Variants in ZNF727 observed in about 807,000 individuals in gnomAD.
ZNF727 encodes putative zinc finger protein 727.
In ZNF727, 11 loss-of-function variants were observed where a neutral mutation model predicts 11.5. The observed-to-expected ratio is 0.95, with a 90% CI of 0.60 to 1.58. The LOEUF (loss-of-function observed/expected upper bound fraction) is 1.58. Among genes scored for constraint, ZNF727 ranks in the 40% most tolerant of loss-of-function variants. The pLI is 0.00. For synonymous variants in ZNF727, 171 were observed against 196.1 expected, an observed-to-expected ratio of 0.87 and a Z score of 1.07; for missense variants, 533 against 581.7, an observed-to-expected ratio of 0.92 and a Z score of 0.86.
chr7:64,062,705 A>ATATATATATATATATATATATAT (rs1789792252), intron 1 of ZNF727, among the ~76,000 whole-genome samples: 1 of 32,732 alleles, frequency 3.1e-5, no homozygotes, highest in Non-Finnish European at 9.5e-5. Flanking sequence ...TATATATATG[A>ATATATATATATATATATATATAT]AGTTCTCATT....
intron 1 of ZNF727, among the ~76,000 whole-genome samples, chr7:64,057,742 T>A (rs1280294853): frequency 6.6e-6 from 1 of 150,758 alleles, no homozygotes; most frequent in Non-Finnish European, 1.5e-5. Flanking sequence ...AAAAAAAAAA[T>A]ACCTAAAAGC....
intron 1 of ZNF727, among the ~76,000 whole-genome samples, chr7:64,048,148 A>G (rs1789537077): frequency 6.6e-6 from 1 of 152,218 alleles, no homozygotes; most frequent in African/African-American, 2.4e-5. Context: ...TCAGTTTTTC[A>G]TTAATTGTAA....
Position 64,078,366 on chromosome 7 carries a change from G to C in ZNF727, c.1317G>C (p.Leu439=), listed in dbSNP as rs750178277. 77 of 1,583,236 alleles carry C rather than the reference G, an allele frequency of 4.9e-5. No individual in the cohort carries two copies. Among genetic ancestry groups the C allele is most frequent in the Non-Finnish European group, 6.4e-5 (75 of 1,164,832 alleles). ...AAACCTTTAAGTGGTTCCCAGACCT[G>C]ACTAATCATAAGAGAATTCACACTG... ...CGKTFKWFPD[L]TNHKRIHTGE... The change falls in exon 4 of 4, where the codon CTG becomes CTC. Residue 439 remains leucine, a synonymous_variant. Transcript: ENST00000456806.
rs746017225 is a variant in ZNF727 at position 64,078,518 on chromosome 7, G to A, written c.1469G>A (p.Gly490Asp). 17 of 1,560,672 alleles carry A rather than the reference G, an allele frequency of 1.1e-5. No individual in the cohort carries two copies. Among genetic ancestry groups the A allele is most frequent in the Admixed American group, 3.9e-5 (2 of 51,694 alleles). ...TSAKNVAKPL[G>D]GSQTLLNIR is the part of the protein sequence containing the mutation. ...GCAAAGAATGTGGCAAAGCCTTTAG[G>A]TGGTTCTCAGACCTTACTAAACATA... Residue 490 changes from glycine to aspartate, a missense_variant, in exon 4 of 4, where the codon GGT becomes GAT. Physicochemically the swap from Gly to Asp is moderately conservative, Grantham distance 94. Coordinates refer to ENST00000456806, the MANE Select transcript of ZNF727 (RefSeq NM_001159522.3).
chr7:64,062,685 A>AATATATATATATGTATATATATAT (rs1789790382), intron 1 of ZNF727, among the ~76,000 whole-genome samples: 1 of 89,980 alleles, frequency 1.1e-5, no homozygotes, highest in African/African-American at 3.6e-5. Context: ...CTTGTACTTG[A>AATATATATATATGTATATATATAT]ATATATATAT....
At chr7:64,063,364 T>A (rs964831733) in intron 1 of ZNF727, among the ~76,000 whole-genome samples, 1 of 152,232 alleles carries the variant, frequency 6.6e-6, no homozygotes, top group African/African-American at 2.4e-5. Context: ...AACACTGTGA[T>A]GCTTGCAGAC....
Position 64,077,683 on chromosome 7 carries a change from T to G in ZNF727, c.634T>G (p.Phe212Val), listed in dbSNP as rs769731782. 79 of 1,563,774 alleles carry G rather than the reference T, an allele frequency of 5.1e-5. No homozygotes were observed. Among genetic ancestry groups the G allele is most frequent in the Non-Finnish European group, 6.5e-5 (75 of 1,154,034 alleles). ...CEECGKACKK[F>V]SNLTEHNRVH... ...AGAATGTGGCAAAGCCTGTAAAAAG[T>G]TCTCAAACCTTACTGAACATAATAG... The change falls in exon 4 of 4, where the codon TTC becomes GTC. Residue 212 changes from phenylalanine (F) to valine (V), a missense_variant. This residue lies in a region of ZNF727 where 463 missense variants were observed against 494.5 expected (regional missense o/e 0.94). Transcript: ENST00000456806.
Position 64,077,856 on chromosome 7 carries a change from A to G in ZNF727, c.807A>G (p.Ser269=), listed in dbSNP as rs1056169476. 5 of 1,567,092 alleles carry G rather than the reference A, an allele frequency of 3.2e-6. No homozygotes were observed. The highest frequency in any genetic ancestry group is 1.4e-5 in the African/African-American group (1 of 73,362). Residue 269 remains serine, a synonymous_variant, in exon 4 of 4, where the codon TCA becomes TCG. Transcript: ENST00000456806. The part of the protein sequence containing the change: ...EECHKAFRCC[S]DLTKHKRIHT... ...GTCACAAAGCCTTTAGGTGTTGCTCAGACCTTACTAAACATAAGAGAATTC... is the reference window on the plus strand; with the variant it reads ...GTCACAAAGCCTTTAGGTGTTGCTCGGACCTTACTAAACATAAGAGAATTC...
chr7:64,082,606 T>G lies in ZNF727; in HGVS notation c.*4057T>G, dbSNP rs374852680. Among the ~76,000 whole-genome samples, 54 of 152,174 alleles carry G rather than the reference T, an allele frequency of 3.5e-4. No homozygotes were observed. Among genetic ancestry groups the G allele is most frequent in the African/African-American group, 1.3e-3 (52 of 41,436 alleles). ...AGAAAGCAGTGTAGGCTGGGCGCAG[T>G]GGCTCATGCCTGTAACCCTAGCACT... On this transcript the variant is annotated 3_prime_UTR_variant, in exon 4 of 4. Transcript: ENST00000456806.
In ZNF727 at chr7:64,082,229, T is replaced by C. The variant is rs1330270290; in HGVS notation, c.*3680T>C. Reference sequence around the variant, plus strand: ...AGGGAGTTGCGAAGTTGCTACTGGCTCAATAGCTCTGGCAATGATTGGCTA... The same window carrying C: ...AGGGAGTTGCGAAGTTGCTACTGGCCCAATAGCTCTGGCAATGATTGGCTA... On this transcript the variant is annotated 3_prime_UTR_variant, in exon 4 of 4. Coordinates refer to ENST00000456806, the MANE Select transcript of ZNF727 (RefSeq NM_001159522.3). 2.0e-5 allele frequency among the ~76,000 whole-genome samples: 3 copies of C among 152,200 alleles called. No homozygotes were observed. Among genetic ancestry groups the C allele is most frequent in the Non-Finnish European group, 4.4e-5 (3 of 68,040 alleles).
intron 2 of ZNF727, 107 bp downstream of exon 2, chr7:64,069,124 CA>C: frequency 7.8e-7 from 1 of 1,278,954 alleles, no homozygotes; most frequent in Non-Finnish European, 1.0e-6. Flanking sequence ...AATCCTGCTT[CA>C]AAAAGAAAAA....
Position 64,078,423 on chromosome 7 carries a change from C to T in ZNF727, c.1374C>T (p.Gly458=). The stretch of plus-strand genomic sequence containing the variant: ...AGCCCTACAAATGTGAAGAATGTGG[C>T]AAAACCTTTACCTGCTCCTCAAGCC... ...GEKPYKCEEC[G]KTFTCSSSLI... Residue 458 remains glycine, a synonymous_variant, in exon 4 of 4, where the codon GGC becomes GGT. Transcript: ENST00000456806. 6.3e-7 allele frequency: 1 copy of T among 1,591,096 alleles called. No individual in the cohort carries two copies. The highest frequency in any genetic ancestry group is 8.6e-7 in the Non-Finnish European group (1 of 1,168,360).
intron 3 of ZNF727, among the ~76,000 whole-genome samples, chr7:64,071,049 T>C (rs1789953940): frequency 6.6e-6 from 1 of 152,116 alleles, no homozygotes; most frequent in Non-Finnish European, 1.5e-5. Context: ...TGCTTTTGTA[T>C]CTTGACAATT....
intron 3 of ZNF727, among the ~76,000 whole-genome samples, chr7:64,070,591 C>A (rs1386277270): frequency 1.3e-5 from 2 of 151,890 alleles, no homozygotes; most frequent in Non-Finnish European, 2.9e-5. Flanking sequence ...TTAATACAAT[C>A]AAATTAATGA....
Position 64,084,074 on chromosome 7 carries a change from A to G in ZNF727, c.*5525A>G, listed in dbSNP as rs1291968518. Among the ~76,000 whole-genome samples, 1 of 152,168 alleles carries G rather than the reference A, an allele frequency of 6.6e-6. No homozygotes were observed. Among genetic ancestry groups the G allele is most frequent in the African/African-American group, 2.4e-5 (1 of 41,442 alleles). On this transcript the variant is annotated 3_prime_UTR_variant, in exon 4 of 4. Coordinates refer to ENST00000456806, the MANE Select transcript of ZNF727 (RefSeq NM_001159522.3). ...GAGAAGTTCTTCCGTATCAGATGAAAAGATTTATATACTTTCCTATGGAAG... is the reference window on the plus strand; with the variant it reads ...GAGAAGTTCTTCCGTATCAGATGAAGAGATTTATATACTTTCCTATGGAAG...
intron 1 of ZNF727, among the ~76,000 whole-genome samples, chr7:64,048,823 T>C (rs1221261218): frequency 6.6e-6 from 1 of 152,182 alleles, no homozygotes; most frequent in Non-Finnish European, 1.5e-5. Context: ...TTTTTTCCAA[T>C]AAAATGCATG....
chr7:64,069,262 A>T (rs1440352345), intron 2 of ZNF727, among the ~76,000 whole-genome samples: 3 of 152,094 alleles, frequency 2.0e-5, no homozygotes, highest in Admixed American at 6.6e-5. Context: ...ATTTGATAGC[A>T]TAAAATATTG....
rs1453724047 is a variant in ZNF727, at chr7:64,078,890, G to A, written c.*341G>A. Among the ~76,000 whole-genome samples the A allele has an allele frequency of 6.6e-6, 1 of 151,868 alleles. No individual in the cohort carries two copies. The highest frequency in any genetic ancestry group is 1.5e-5 in the Non-Finnish European group (1 of 67,974). ...TGCTAAACATAAGATAATTCATATTGGAGAGAAACCCTACAAATGTAATGA... is the reference window on the plus strand; with the variant it reads ...TGCTAAACATAAGATAATTCATATTAGAGAGAAACCCTACAAATGTAATGA... On this transcript the variant is annotated 3_prime_UTR_variant, in exon 4 of 4. Coordinates refer to ENST00000456806, the MANE Select transcript of ZNF727 (RefSeq NM_001159522.3).
chr7:64,070,202 A>G (rs981834986), intron 3 of ZNF727, among the ~76,000 whole-genome samples: 1 of 152,112 alleles, frequency 6.6e-6, no homozygotes, highest in African/African-American at 2.4e-5. Context: ...ACTCTAAAAT[A>G]GTATTACTTC....
Sources: gnomAD v4.1 joint callset for allele counts (sites outside exome capture counted in the v4.1 genomes callset) on GRCh38, gnomAD v4.1.1 for gene constraint, gnomAD v4.1.1 regional missense constraint, MANE v1.5 for transcripts, NCBI Gene and HGNC (gene_info 2026-07-23, HGNC 2026-07-21) for gene names.